TENM4: variants seen among roughly 807,000 people sequenced by gnomAD.
TENM4 encodes teneurin transmembrane protein 4, also known as teneurin-4.
In TENM4, 82 loss-of-function variants were observed where a neutral mutation model predicts 243.3. The observed-to-expected ratio is 0.34, with a 90% confidence interval of 0.28 to 0.40. The LOEUF (loss-of-function observed/expected upper bound fraction) is 0.40, where lower values mean the gene tolerates loss of function less well. Ranked by LOEUF, TENM4 falls within the 10% of genes least tolerant of loss-of-function variation. TENM4 has a pLI of 1.00. For synonymous variants in TENM4, 1,412 were observed against 1,456.3 expected (o/e 0.97, Z 0.69); for missense variants, 3,138 against 3,673.3 (o/e 0.85, Z 3.77).
At chr11:79,245,587 T>C (rs1435593119) in intron 2 of TENM4, among the ~76,000 whole-genome samples, 2 of 151,998 alleles carry the variant, frequency 1.3e-5, no homozygotes, top group East Asian at 3.9e-4. Flanking sequence ...TTAAATGAGA[T>C]GTCACGTGAA....
chr11:78,774,601 T>TATGTAA (rs1856705381), intron 17 of TENM4, among the ~76,000 whole-genome samples: 1 of 152,190 alleles, frequency 6.6e-6, no homozygotes. Context: ...TAGCAGACAC[T>TATGTAA]CAATATATAT....
intron 18 of TENM4, among the ~76,000 whole-genome samples, chr11:78,764,772 T>C (rs553582383): frequency 1.4e-4 from 22 of 152,210 alleles, no homozygotes; most frequent in African/African-American, 5.1e-4. Flanking sequence ...TTTGGTGTAG[T>C]GGGGCAGACA....
chr11:78,668,636 G>T lies in TENM4; in HGVS notation c.7408+301C>A, dbSNP rs140911405. On this transcript the variant is annotated intron_variant, in intron 32 of 33. Transcript: ENST00000278550. Reference sequence around the variant, plus strand: ...TACGGTCAAATAAGTTTGAGAAATAGTGGGCAAATATATTAAATAGTTCAC... The same window carrying T: ...TACGGTCAAATAAGTTTGAGAAATATTGGGCAAATATATTAAATAGTTCAC... Among the ~76,000 whole-genome samples, 14 of 152,284 alleles carry T rather than the reference G, an allele frequency of 9.2e-5. No homozygotes were observed. The East Asian group carries it at 1.2e-3, about 13-fold the overall frequency.
At chr11:79,038,112 T>G (rs968673252) in intron 6 of TENM4, among the ~76,000 whole-genome samples, 1 of 152,254 alleles carries the variant, frequency 6.6e-6, no homozygotes, top group Non-Finnish European at 1.5e-5. Context: ...CTGAGACATC[T>G]GTTTTGTTCA....
At chr11:79,308,731 G>A (rs1258294474) in intron 1 of TENM4, among the ~76,000 whole-genome samples, 2 of 152,176 alleles carry the variant, frequency 1.3e-5, no homozygotes, top group African/African-American at 2.4e-5. Flanking sequence ...CAGGCCCCTG[G>A]TGCCTCCCAG....
intron 1 of TENM4, among the ~76,000 whole-genome samples, chr11:79,333,054 C>G (rs952810115): frequency 2.0e-5 from 3 of 152,152 alleles, no homozygotes; most frequent in Non-Finnish European, 2.9e-5. Flanking sequence ...GTTCAGTGTT[C>G]AGTCCTTACC....
intron 1 of TENM4, among the ~76,000 whole-genome samples, chr11:79,310,079 C>T (rs1330208069): frequency 6.6e-6 from 1 of 152,188 alleles, no homozygotes; most frequent in Non-Finnish European, 1.5e-5. Context: ...CTGCCACTCC[C>T]AAACCCCTGA....
At chr11:79,036,105 A>C (rs531539871) in intron 6 of TENM4, among the ~76,000 whole-genome samples, 1 of 152,292 alleles carries the variant, frequency 6.6e-6, no homozygotes, top group South Asian at 2.1e-4. Flanking sequence ...AGGATGTATG[A>C]GGTGCTTGGA....
chr11:79,082,713 G>A (rs566337726), intron 4 of TENM4, among the ~76,000 whole-genome samples: 7 of 152,288 alleles, frequency 4.6e-5, no homozygotes, highest in Admixed American at 4.6e-4. Flanking sequence ...AGGAAAGGTG[G>A]ATTAGTAAAG....
chr11:78,797,522 T>C (rs926648311), intron 15 of TENM4, among the ~76,000 whole-genome samples: 9 of 152,246 alleles, frequency 5.9e-5, no homozygotes, highest in African/African-American at 2.2e-4. Context: ...GTTCCAGGGC[T>C]GTCAGGGGAA....
chr11:78,850,415 C>G (rs1369284893), intron 12 of TENM4, among the ~76,000 whole-genome samples: 1 of 152,114 alleles, frequency 6.6e-6, no homozygotes, highest in African/African-American at 2.4e-5. Context: ...GTGTGTTAAG[C>G]AAACCCGAGA....
intron 3 of TENM4, among the ~76,000 whole-genome samples, chr11:79,206,265 T>C (rs1178736862): frequency 6.6e-6 from 1 of 152,162 alleles, no homozygotes; most frequent in Non-Finnish European, 1.5e-5. Context: ...CAGAATGAAA[T>C]CTGGCATCTC....
intron 5 of TENM4, among the ~76,000 whole-genome samples, chr11:79,067,462 G>T (rs1485052309): frequency 6.6e-6 from 1 of 152,168 alleles, no homozygotes; most frequent in Non-Finnish European, 1.5e-5. Context: ...AGCCACTCAC[G>T]TGTTATGAAG....
At chr11:79,306,841 T>C (rs766794187) in intron 1 of TENM4, among the ~76,000 whole-genome samples, 26 of 152,158 alleles carry the variant, frequency 1.7e-4, no homozygotes, top group Non-Finnish European at 2.9e-4. Flanking sequence ...ATGCCCCCTC[T>C]GTACAATACC....
intron 18 of TENM4, among the ~76,000 whole-genome samples, chr11:78,759,160 T>C (rs1436705710): frequency 6.6e-6 from 1 of 152,152 alleles, no homozygotes; most frequent in Non-Finnish European, 1.5e-5. Context: ...CACCCCAGCA[T>C]TGACCTGCAT....
chr11:79,259,943 G>C (rs1855768341), intron 2 of TENM4, among the ~76,000 whole-genome samples: 6 of 152,312 alleles, frequency 3.9e-5, no homozygotes, highest in Admixed American at 3.9e-4. Flanking sequence ...AGACCTACCA[G>C]TTAAAGAGCT....
chr11:78,817,433 C>T (rs1857630842), intron 12 of TENM4, among the ~76,000 whole-genome samples: 1 of 152,160 alleles, frequency 6.6e-6, no homozygotes, highest in African/African-American at 2.4e-5. Context: ...TCTAATCCAA[C>T]ACGTGGCCTC....
At chr11:78,948,245 T>A (rs1457543457) in intron 6 of TENM4, among the ~76,000 whole-genome samples, 1 of 152,230 alleles carries the variant, frequency 6.6e-6, no homozygotes, top group Non-Finnish European at 1.5e-5. Flanking sequence ...ACACTTTATA[T>A]CAGCACACAT....
chr11:78,778,413 A>C lies in TENM4; in HGVS notation c.2392+189T>G, dbSNP rs575123941. On this transcript the variant is annotated intron_variant, in intron 17 of 33. Coordinates refer to ENST00000278550, the MANE Select transcript of TENM4 (RefSeq NM_001098816.3). ...GGGAGAATGACACTCCAGGTATATC[A>C]ACCACCTTGTGACCGAAAACCCATC... is the stretch of plus-strand genomic sequence containing the variant. Among the ~76,000 whole-genome samples the C allele has an allele frequency of 2.0e-4, 31 of 152,210 alleles. No homozygotes were observed. In the South Asian group the frequency reaches 6.2e-3, roughly 31 times the overall value.
Sources: allele counts gnomAD v4.1 joint callset (sites outside exome capture counted in the v4.1 genomes callset), GRCh38; gene constraint gnomAD v4.1.1; transcripts MANE v1.5; gene names NCBI Gene and HGNC (gene_info 2026-07-23, HGNC 2026-07-21).